Variants in SPMIP2 observed in about 807,000 individuals in gnomAD.
The protein encoded by SPMIP2 is sperm microtubule inner protein 2, also known as protein SPMIP2.
chr4:159,080,695 A>T, the SPMIP2 span, among the ~76,000 whole-genome samples: 1 of 151,906 alleles, frequency 6.6e-6, no homozygotes, highest in African/African-American at 2.4e-5. Context: ...AAACAACAAA[A>T]TTGGGCTATC....
At chr4:159,069,886 A>G in the SPMIP2 span, among the ~76,000 whole-genome samples, 6 of 152,066 alleles carry the variant, frequency 3.9e-5, no homozygotes, top group Admixed American at 3.3e-4. Context: ...AATGGCTTCC[A>G]CCTGTCTCTC....
the SPMIP2 span, among the ~76,000 whole-genome samples, chr4:159,004,914 ATACCTTCTTCCAGAAACTTAG>A: frequency 1.3e-5 from 2 of 151,962 alleles, no homozygotes; most frequent in African/African-American, 4.8e-5. Flanking sequence ...TGTTTAATTA[ATACCTTCTTCCAGAAACTTAG>A]TTTTAAAAAA....
chr4:159,005,631 C>T, the SPMIP2 span, among the ~76,000 whole-genome samples: 1 of 152,166 alleles, frequency 6.6e-6, no homozygotes, highest in East Asian at 1.9e-4. Context: ...CAAAAGTACA[C>T]ACCCAGAGTT....
At chr4:159,070,918 T>C in the SPMIP2 span, among the ~76,000 whole-genome samples, 1 of 152,202 alleles carries the variant, frequency 6.6e-6, no homozygotes, top group Non-Finnish European at 1.5e-5. Flanking sequence ...CTTGATAGCA[T>C]GCTGGAACCA....
the SPMIP2 span, among the ~76,000 whole-genome samples, chr4:159,042,150 A>G: frequency 1.3e-5 from 2 of 152,170 alleles, no homozygotes; most frequent in Non-Finnish European, 2.9e-5. Context: ...TGATTGTATC[A>G]TTCAATCCTA....
chr4:158,918,587 T>G, the SPMIP2 span, among the ~76,000 whole-genome samples: 88 of 152,314 alleles, frequency 5.8e-4, no homozygotes, highest in African/African-American at 1.9e-3. Flanking sequence ...AGTCTTCACT[T>G]AAGTGCTAAA....
At chr4:158,995,855 C>CAAAAAAAAAA in the SPMIP2 span, among the ~76,000 whole-genome samples, 1 of 70,752 alleles carries the variant, frequency 1.4e-5, no homozygotes, top group Admixed American at 1.9e-4. Context: ...GACTCCATCT[C>CAAAAAAAAAA]AAAAAAAAAA....
At chr4:158,925,468 G>T in the SPMIP2 span, among the ~76,000 whole-genome samples, 1 of 151,924 alleles carries the variant, frequency 6.6e-6, no homozygotes, top group African/African-American at 2.4e-5. Context: ...AACCTTTTTG[G>T]CACCAGGGAC....
the SPMIP2 span, among the ~76,000 whole-genome samples, chr4:159,008,529 A>C: frequency 5.3e-5 from 8 of 152,120 alleles, no homozygotes; most frequent in East Asian, 3.9e-4. Flanking sequence ...AGATCGTGCC[A>C]CTGCACTCCA....
the SPMIP2 span, among the ~76,000 whole-genome samples, chr4:158,933,240 C>CT: frequency 2.0e-5 from 3 of 152,192 alleles, no homozygotes; most frequent in Non-Finnish European, 2.9e-5. Context: ...AGTGATCCGC[C>CT]TGCCTTGGCC....
At chr4:158,915,283 C>T in the SPMIP2 span, 2 of 1,613,496 alleles carry the variant, frequency 1.2e-6, no homozygotes, top group Admixed American at 1.7e-5. Context: ...TCAGTGTCCT[C>T]GAAAGCACTC....
the SPMIP2 span, among the ~76,000 whole-genome samples, chr4:158,921,536 A>G: frequency 6.6e-6 from 1 of 152,156 alleles, no homozygotes; most frequent in Non-Finnish European, 1.5e-5. Flanking sequence ...CCATAGGAAG[A>G]TGTGCCTGCT....
At chr4:158,977,295 A>T in the SPMIP2 span, among the ~76,000 whole-genome samples, 3 of 152,146 alleles carry the variant, frequency 2.0e-5, no homozygotes, top group Non-Finnish European at 1.5e-5. Flanking sequence ...CTGTTCAGGG[A>T]TTCAACTTCT....
At chr4:159,056,339 T>A in the SPMIP2 span, among the ~76,000 whole-genome samples, 1 of 151,986 alleles carries the variant, frequency 6.6e-6, no homozygotes, top group South Asian at 2.1e-4. Context: ...GTTTGGAGGG[T>A]AGGGGAAGTT....
the SPMIP2 span, among the ~76,000 whole-genome samples, chr4:158,933,378 A>G: frequency 6.6e-6 from 1 of 152,172 alleles, no homozygotes; most frequent in Admixed American, 6.6e-5. Flanking sequence ...TCCTTAGTTC[A>G]CCATTCCTGA....
At chr4:158,956,153 A>C in the SPMIP2 span, among the ~76,000 whole-genome samples, 9 of 152,200 alleles carry the variant, frequency 5.9e-5, no homozygotes, top group African/African-American at 2.2e-4. Flanking sequence ...AGTGGCTCCC[A>C]TTTATCTTGC....
the SPMIP2 span, among the ~76,000 whole-genome samples, chr4:158,903,216 C>T: frequency 6.6e-6 from 1 of 152,142 alleles, no homozygotes; most frequent in Non-Finnish European, 1.5e-5. Flanking sequence ...CACGGCTTCC[C>T]TTGGGTAGGG....
chr4:158,973,004 C>T, the SPMIP2 span: 2 of 1,013,142 alleles, frequency 2.0e-6, no homozygotes, highest in Middle Eastern at 2.2e-4. Flanking sequence ...CCGACATTTC[C>T]TTTGGAAGCA....
the SPMIP2 span, among the ~76,000 whole-genome samples, chr4:159,023,099 G>A: frequency 6.6e-6 from 1 of 151,824 alleles, no homozygotes; most frequent in African/African-American, 2.4e-5. Context: ...TATGTATATA[G>A]TGTGTGTGTC....
Sources: gnomAD v4.1 joint callset for allele counts (sites outside exome capture counted in the v4.1 genomes callset) on GRCh38, gnomAD v4.1.1 for gene constraint, MANE v1.5 for transcripts, NCBI Gene and HGNC (gene_info 2026-07-23, HGNC 2026-07-21) for gene names.